The following MACROD2 variants were observed in gnomAD, a reference collection of about 807,000 sequenced individuals.
The protein encoded by MACROD2 is ADP-ribose glycohydrolase MACROD2.
A neutral mutation model predicts 70.4 loss-of-function variants in MACROD2; 36 were observed. The observed-to-expected ratio is 0.51, with a 90% confidence interval of 0.39 to 0.68. The LOEUF is 0.68. Among genes scored for constraint, MACROD2 ranks in the 30% least tolerant of loss-of-function variants. The pLI, the probability that MACROD2 is intolerant of heterozygous loss-of-function variation, is 0.00. For missense variants in MACROD2, 496 were observed against 538.4 expected, an observed-to-expected ratio of 0.92 and a Z score of 0.78; for synonymous variants, 172 against 178.8, an observed-to-expected ratio of 0.96 and a Z score of 0.30.
At chr20:14,548,063 A>G (rs1978385506) in intron 4 of MACROD2, among the ~76,000 whole-genome samples, 1 of 152,054 alleles carries the variant, frequency 6.6e-6, no homozygotes, top group South Asian at 2.1e-4. Context: ...AATAGACTAC[A>G]CCTCTTGATA....
intron 6 of MACROD2, among the ~76,000 whole-genome samples, chr20:15,369,076 A>G (rs535242275): frequency 2.6e-5 from 4 of 152,244 alleles, no homozygotes; most frequent in African/African-American, 9.6e-5. Flanking sequence ...TTCTATTTTC[A>G]TTTGCTAGGT....
At chr20:15,627,723 T>C (rs540655328) in intron 8 of MACROD2, among the ~76,000 whole-genome samples, 5 of 152,350 alleles carry the variant, frequency 3.3e-5, no homozygotes, top group African/African-American at 1.2e-4. Context: ...AATAGTGATG[T>C]TATCTGTAGG....
At chr20:15,753,536 T>C (rs1000234733) in intron 8 of MACROD2, among the ~76,000 whole-genome samples, 6 of 152,242 alleles carry the variant, frequency 3.9e-5, no homozygotes, top group African/African-American at 1.4e-4. Flanking sequence ...TCTATGTTGA[T>C]TCCATGACTT....
chr20:14,228,364 G>A (rs989839598), intron 3 of MACROD2, among the ~76,000 whole-genome samples: 1 of 146,682 alleles, frequency 6.8e-6, no homozygotes, highest in Non-Finnish European at 1.5e-5. Context: ...TTGAGATGGA[G>A]TCTCTCTCTG....
intron 8 of MACROD2, among the ~76,000 whole-genome samples, chr20:15,678,561 A>C (rs914742635): frequency 6.6e-6 from 1 of 152,080 alleles, no homozygotes; most frequent in African/African-American, 2.4e-5. Context: ...AGGTTTCGTT[A>C]TGTTAGCCAG....
At chr20:14,560,255 A>G (rs1015234882) in intron 4 of MACROD2, among the ~76,000 whole-genome samples, 3 of 151,280 alleles carry the variant, frequency 2.0e-5, no homozygotes, top group African/African-American at 7.3e-5. Flanking sequence ...AGGCAGAAAG[A>G]CTTGCTTGCT....
chr20:15,411,412 A>T (rs934371037), intron 6 of MACROD2, among the ~76,000 whole-genome samples: 1 of 152,170 alleles, frequency 6.6e-6, no homozygotes, highest in Non-Finnish European at 1.5e-5. Context: ...AAAAAATTAG[A>T]TGTTGAAAGT....
At chr20:14,013,626 A>G (rs1319393897) in intron 2 of MACROD2, among the ~76,000 whole-genome samples, 2 of 141,228 alleles carry the variant, frequency 1.4e-5, no homozygotes, top group African/African-American at 5.2e-5. Flanking sequence ...TTCATTGTGT[A>G]TTGCAGTGTG....
At chr20:15,254,808 A>T (rs2077184491) in intron 6 of MACROD2, among the ~76,000 whole-genome samples, 1 of 152,056 alleles carries the variant, frequency 6.6e-6, no homozygotes, top group African/African-American at 2.4e-5. Context: ...ATCCTAGAGA[A>T]TTTTAGAGCT....
rs555900421 is a variant in MACROD2, at chr20:15,967,522, C to A, written c.908-31C>A. On this transcript the variant is annotated intron_variant, in intron 12 of 17. Transcript: ENST00000684519. ...CTGCTCTGTTTCCAAGTTAAAAATGCTGACCAAAGGTTTTGCTTGTTTGTT... is the reference window on the plus strand; with the variant it reads ...CTGCTCTGTTTCCAAGTTAAAAATGATGACCAAAGGTTTTGCTTGTTTGTT... 13 of 1,576,808 alleles carry A rather than the reference C, an allele frequency of 8.2e-6. No individual in the cohort carries two copies. The South Asian group carries it at 1.2e-4, about 14-fold the overall frequency.
At chr20:15,586,121 T>G (rs1320615374) in intron 8 of MACROD2, among the ~76,000 whole-genome samples, 1 of 152,200 alleles carries the variant, frequency 6.6e-6, no homozygotes, top group Non-Finnish European at 1.5e-5. Flanking sequence ...AAAATGCCCT[T>G]GTTCATCATC....
chr20:15,426,176 G>A (rs1181478960), intron 6 of MACROD2, among the ~76,000 whole-genome samples: 1 of 147,360 alleles, frequency 6.8e-6, no homozygotes, highest in Non-Finnish European at 1.5e-5. Context: ...ATCCCCCTCT[G>A]CGAGAAACAC....
At chr20:15,600,623 C>T (rs2048806426) in intron 8 of MACROD2, among the ~76,000 whole-genome samples, 1 of 152,140 alleles carries the variant, frequency 6.6e-6, no homozygotes, top group African/African-American at 2.4e-5. Context: ...AAATGTCTTA[C>T]AGAAAAACCT....
chr20:15,041,272 A>G (rs916536910), intron 5 of MACROD2, among the ~76,000 whole-genome samples: 2 of 152,166 alleles, frequency 1.3e-5, no homozygotes, highest in South Asian at 2.1e-4. Context: ...TTGGAAGGGG[A>G]CATCTCTTGG....
chr20:14,446,878 T>G (rs183706603), intron 3 of MACROD2, among the ~76,000 whole-genome samples: 5 of 152,156 alleles, frequency 3.3e-5, no homozygotes, highest in Non-Finnish European at 7.4e-5. Context: ...CTAAAGATAT[T>G]TATTCTGGAG....
intron 11 of MACROD2, among the ~76,000 whole-genome samples, chr20:15,933,672 T>C (rs1347688128): frequency 6.6e-6 from 1 of 152,068 alleles, no homozygotes; most frequent in African/African-American, 2.4e-5. Context: ...ACATTTAGCT[T>C]GAGGGAAAAA....
intron 5 of MACROD2, among the ~76,000 whole-genome samples, chr20:14,990,237 C>T (rs1036085703): frequency 1.3e-5 from 2 of 151,924 alleles, no homozygotes; most frequent in Admixed American, 6.6e-5. Flanking sequence ...TATTTAATAT[C>T]GGGAGATACA....
intron 3 of MACROD2, among the ~76,000 whole-genome samples, chr20:14,176,232 A>C (rs967163234): frequency 6.6e-6 from 1 of 152,232 alleles, no homozygotes; most frequent in Non-Finnish European, 1.5e-5. Context: ...CTGTGGTGAC[A>C]GAAGGCATTT....
intron 7 of MACROD2, among the ~76,000 whole-genome samples, chr20:15,474,727 A>G (rs1244574466): frequency 6.6e-6 from 1 of 152,208 alleles, no homozygotes; most frequent in Non-Finnish European, 1.5e-5. Flanking sequence ...GCTTTTGTGC[A>G]AGAGAAAGTA....
Sources: allele counts gnomAD v4.1 joint callset (sites outside exome capture counted in the v4.1 genomes callset), GRCh38; gene constraint gnomAD v4.1.1; transcripts MANE v1.5; gene names NCBI Gene and HGNC (gene_info 2026-07-23, HGNC 2026-07-21).